The following MYOM2 variants were observed in gnomAD, a reference collection of about 807,000 sequenced individuals.
MYOM2 encodes myomesin-2.
Under a neutral mutation model 187.6 loss-of-function variants are expected in MYOM2, and 254 were observed. The ratio of observed to expected loss-of-function variants is 1.35; its 90% CI spans 1.22 to 1.50. MYOM2 has a LOEUF of 1.50. MYOM2 is among the 40% of genes most tolerant of loss of function. MYOM2 has a pLI of 0.00. For missense variants in MYOM2, 2,796 were observed against 1,924.0 expected (o/e 1.45, Z -8.48); for synonymous variants, 981 against 753.8 (o/e 1.30, Z -4.94).
intron 1 of MYOM2, among the ~76,000 whole-genome samples, chr8:2,047,301 G>T (rs541824070): frequency 2.0e-5 from 3 of 152,262 alleles, no homozygotes; most frequent in African/African-American, 7.2e-5. Flanking sequence ...GCCCAGGCTG[G>T]GTGAGGGACA....
chr8:2,079,235 C>T (rs1819538472), intron 12 of MYOM2, among the ~76,000 whole-genome samples: 1 of 151,990 alleles, frequency 6.6e-6, no homozygotes, highest in South Asian at 2.1e-4. Flanking sequence ...ATAATTTCAA[C>T]ACATAATGAC....
At chr8:2,075,058 G>A (rs1819371405) in intron 10 of MYOM2, among the ~76,000 whole-genome samples, 1 of 152,174 alleles carries the variant, frequency 6.6e-6, no homozygotes, top group South Asian at 2.1e-4. Flanking sequence ...TTTTTCCATT[G>A]CATCCATTAG....
rs544925042 is a variant in MYOM2 at position 2,072,572 on chromosome 8, T to TA, written c.958+66dup. 8.6e-4 allele frequency: 1,315 copies of TA among 1,535,676 alleles called. 11 individuals carry two copies. In the African/African-American group the frequency reaches 0.016, roughly 19 times the overall value. On this transcript the variant is annotated intron_variant, in intron 9 of 36. Coordinates refer to ENST00000262113, the MANE Select transcript of MYOM2 (RefSeq NM_003970.4). ...GAGGCTTTTGGACGGAAATGTCCTTTAAATGTGGGTGTCAATGTGGCTTTT... is the reference window on the plus strand; with the variant it reads ...GAGGCTTTTGGACGGAAATGTCCTTTAAAATGTGGGTGTCAATGTGGCTTTT...
chr8:2,096,148 G>A (rs142309152), intron 17 of MYOM2, 99 bp from the exon 18 acceptor site: 173 of 1,171,730 alleles, frequency 1.5e-4, no homozygotes, highest in Non-Finnish European at 1.9e-4. Flanking sequence ...CCGTCTCCAC[G>A]TTGCTTCCTC....
chr8:2,096,521 T>C, intron 18 of MYOM2, 87 bp downstream of exon 18: 3 of 1,302,022 alleles, frequency 2.3e-6, no homozygotes, highest in Non-Finnish European at 3.2e-6. Flanking sequence ...TGACATTAGA[T>C]AGTTTGATAC....
intron 25 of MYOM2, among the ~76,000 whole-genome samples, chr8:2,112,038 A>T (rs1797083766): frequency 6.6e-6 from 1 of 152,188 alleles, no homozygotes; most frequent in African/African-American, 2.4e-5. Flanking sequence ...GATGAAACAA[A>T]AATTGCAGCA....
At position 2,144,698 on chromosome 8, in the gene MYOM2, C is replaced by G. The variant is rs1798394554; in HGVS notation, c.4115C>G (p.Pro1372Arg). 1 of 1,613,978 alleles carries G rather than the reference C, an allele frequency of 6.2e-7. No homozygotes were observed. The highest frequency in any genetic ancestry group is 1.3e-5 in the African/African-American group (1 of 74,900). Residue 1372 changes from proline to arginine, a missense_variant, in exon 37 of 37, where the codon CCT becomes CGT. Coordinates refer to ENST00000262113, the MANE Select transcript of MYOM2 (RefSeq NM_003970.4). Reference protein sequence around the residue: ...LNLTCTVFGNPDPEVIWFKND... With the variant: ...LNLTCTVFGNRDPEVIWFKND... Reference sequence around the variant, plus strand: ...CTGACCTGCACGGTGTTTGGAAACCCTGACCCCGAAGTGATTTGGTTCAAG... The same window carrying G: ...CTGACCTGCACGGTGTTTGGAAACCGTGACCCCGAAGTGATTTGGTTCAAG...
chr8:2,133,559 C>G (rs571281170), intron 32 of MYOM2, among the ~76,000 whole-genome samples: 1 of 152,350 alleles, frequency 6.6e-6, no homozygotes, highest in South Asian at 2.1e-4. Flanking sequence ...CTCCTGGGTT[C>G]AAGTGATTCT....
intron 31 of MYOM2, among the ~76,000 whole-genome samples, chr8:2,128,034 A>G (rs1797717431): frequency 6.6e-6 from 1 of 152,162 alleles, no homozygotes; most frequent in African/African-American, 2.4e-5. Context: ...CATATTTTAT[A>G]ATTTTCTTTG....
At chr8:2,118,068 G>A (rs1797307807) in intron 28 of MYOM2, 116 bp downstream of exon 28, 2 of 840,662 alleles carry the variant, frequency 2.4e-6, no homozygotes, top group Non-Finnish European at 3.8e-6. Flanking sequence ...AACGTGTGGT[G>A]CCTGTGTAGC....
At chr8:2,123,464 T>C (rs919223300) in intron 29 of MYOM2, 91 bp from the exon 30 acceptor site, 8 of 1,466,910 alleles carry the variant, frequency 5.5e-6, no homozygotes, top group Admixed American at 1.8e-5. Flanking sequence ...TGAATTTCGG[T>C]GGTTTGCAAA....
At chr8:2,086,891 A>C (rs2116715021) in intron 14 of MYOM2, among the ~76,000 whole-genome samples, 1 of 152,068 alleles carries the variant, frequency 6.6e-6, no homozygotes. Flanking sequence ...GAGGAAATGC[A>C]CACAAGACGC....
intron 35 of MYOM2, 140 bp downstream of exon 35, chr8:2,142,537 A>T: frequency 1.2e-6 from 1 of 834,710 alleles, no homozygotes; most frequent in South Asian, 1.4e-5. Context: ...CACCAACACC[A>T]CACCCTGTCC....
chr8:2,055,013 A>G (rs796642772), intron 3 of MYOM2, among the ~76,000 whole-genome samples: 5 of 32,308 alleles, frequency 1.5e-4, no homozygotes, highest in Non-Finnish European at 2.4e-4. Flanking sequence ...GATACTGGGG[A>G]ACCAAGTACC....
intron 36 of MYOM2, 71 bp from the exon 37 acceptor site, chr8:2,144,593 A>G: frequency 6.7e-7 from 1 of 1,483,838 alleles, no homozygotes; most frequent in Non-Finnish European, 9.3e-7. Context: ...CCTGGAGCCC[A>G]CCGTCCGAGG....
In MYOM2 at chr8:2,144,965, C is replaced by G. The variant is rs1357874833; in HGVS notation, c.4382C>G (p.Ser1461Ter). 9 of 1,613,944 alleles carry G rather than the reference C, an allele frequency of 5.6e-6. No homozygotes were observed. Among genetic ancestry groups the G allele is most frequent in the East Asian group, 4.5e-5 (2 of 44,890 alleles). ...CCCAAGCTCATCCCCGCGTCTGCCT[C>G]AGCGGCAGGCCAGTGAAGGCGTTTT... is the stretch of plus-strand genomic sequence containing the variant. ...AKPKLIPASA[S>*]AAGQ Residue 1461 changes from serine (S) to a stop codon, truncating the protein, a stop_gained, in exon 37 of 37, where the codon TCA becomes TGA. Coordinates refer to ENST00000262113, the MANE Select transcript of MYOM2 (RefSeq NM_003970.4). LOFTEE classifies it low-confidence loss of function (END_TRUNC).
chr8:2,130,988 G>A (rs887708500), intron 32 of MYOM2, among the ~76,000 whole-genome samples: 2 of 152,140 alleles, frequency 1.3e-5, no homozygotes, highest in African/African-American at 4.8e-5. Flanking sequence ...CACTTGCAAT[G>A]TGTGTCCTGC....
chr8:2,124,607 C>G (rs1401214781), intron 31 of MYOM2, among the ~76,000 whole-genome samples: 2 of 152,200 alleles, frequency 1.3e-5, no homozygotes, highest in African/African-American at 4.8e-5. Flanking sequence ...GTTATCTTTA[C>G]AAATAAATGC....
At chr8:2,058,050 G>A (rs140683374) in intron 5 of MYOM2, among the ~76,000 whole-genome samples, 1,333 of 113,268 alleles carry the variant, frequency 0.012, 37 homozygotes, top group African/African-American at 0.042. Context: ...ATGGAGTCTC[G>A]CTCTGTTGCC....
Sources: allele counts gnomAD v4.1 joint callset (sites outside exome capture counted in the v4.1 genomes callset), GRCh38; gene constraint gnomAD v4.1.1; transcripts MANE v1.5; gene names NCBI Gene and HGNC (gene_info 2026-07-23, HGNC 2026-07-21).